Variants in CDC45 observed in about 807,000 individuals in gnomAD.
The protein encoded by CDC45 is cell division control protein 45 homolog.
A neutral mutation model predicts 77.8 loss-of-function variants in CDC45; 54 were observed. The observed-to-expected ratio is 0.69, with a 90% CI of 0.56 to 0.87. The LOEUF (loss-of-function observed/expected upper bound fraction) is 0.87, where lower values mean the gene tolerates loss of function less well. Ranked by LOEUF, CDC45 falls within the 40% of genes least tolerant of loss-of-function variation. CDC45 has a pLI of 0.00. For missense variants in CDC45, 649 were observed against 721.6 expected, an observed-to-expected ratio of 0.90 and a Z score of 1.15; for synonymous variants, 260 against 272.1, an observed-to-expected ratio of 0.96 and a Z score of 0.44.
In CDC45 at chr22:19,479,923, C is replaced by T. The variant is rs1009560085; in HGVS notation, c.-46C>T. The T allele has an allele frequency of 1.6e-5, 25 of 1,608,222 alleles. No individual in the cohort carries two copies. Among genetic ancestry groups the T allele is most frequent in the Non-Finnish European group, 2.1e-5 (25 of 1,176,968 alleles). ...GGCGGGAGTCTTGACCGCCGCCGGG[C>T]TCTTGGTACCTCAGCGCGAGCGCCA... On this transcript the variant is annotated 5_prime_UTR_variant, in exon 1 of 19. Coordinates refer to ENST00000263201, the MANE Select transcript of CDC45 (RefSeq NM_003504.5).
chr22:19,519,748 C>T (rs954426895), intron 18 of CDC45, among the ~76,000 whole-genome samples: 1 of 152,258 alleles, frequency 6.6e-6, no homozygotes, highest in African/African-American at 2.4e-5. Context: ...ACCTGTTCTC[C>T]TGTTGGGGCT....
At chr22:19,507,244 C>A in intron 10 of CDC45, 142 bp from the exon 11 acceptor site, 1 of 963,338 alleles carries the variant, frequency 1.0e-6, no homozygotes, top group Non-Finnish European at 1.6e-6. Context: ...TCAAAGGGCT[C>A]CAGGTCACTC....
rs750888877 is a variant in CDC45 at position 19,482,755 on chromosome 22, T to C, written c.270T>C (p.Asp90=). ...ACCTATTGGATATTCTTCAACCTGA[T>C]GAAGACACTATATTCTTTGTGTGTG... ...NVDLLDILQP[D]EDTIFFVCDT... is the part of the protein sequence containing the mutation. Residue 90 remains aspartate (D), a synonymous_variant, in exon 4 of 19, where the codon GAT becomes GAC. Transcript: ENST00000263201. 6.2e-7 allele frequency: 1 copy of C among 1,612,830 alleles called. No homozygotes were observed. The highest frequency in any genetic ancestry group is 8.5e-7 in the Non-Finnish European group (1 of 1,178,746).
chr22:19,479,942 A>G lies in CDC45; in HGVS notation c.-27A>G, dbSNP rs1382624165. 3 of 1,612,186 alleles carry G rather than the reference A, an allele frequency of 1.9e-6. No homozygotes were observed. Among genetic ancestry groups the G allele is most frequent in the East Asian group, 2.2e-5 (1 of 44,880 alleles). Reference sequence around the variant, plus strand: ...GCCGGGCTCTTGGTACCTCAGCGCGAGCGCCAGGCGTCCGGCCGCCGTGGC... The same window carrying G: ...GCCGGGCTCTTGGTACCTCAGCGCGGGCGCCAGGCGTCCGGCCGCCGTGGC... On this transcript the variant is annotated 5_prime_UTR_variant, in exon 1 of 19. Transcript: ENST00000263201.
intron 5 of CDC45, among the ~76,000 whole-genome samples, chr22:19,485,239 A>G (rs1263966946): frequency 6.6e-6 from 1 of 152,208 alleles, no homozygotes; most frequent in Non-Finnish European, 1.5e-5. Context: ...TAAGTCTTGG[A>G]ATTTTCCACT....
chr22:19,483,424 T>TC (rs1290903669), intron 4 of CDC45, among the ~76,000 whole-genome samples: 1 of 152,022 alleles, frequency 6.6e-6, no homozygotes, highest in Non-Finnish European at 1.5e-5. Flanking sequence ...AGAGCGAGAC[T>TC]CCGTCTCCAA....
At chr22:19,518,988 T>G in intron 18 of CDC45, 79 bp downstream of exon 18, 1 of 1,068,274 alleles carries the variant, frequency 9.4e-7, no homozygotes, top group Non-Finnish European at 1.4e-6. Context: ...CTGTCCTCCC[T>G]CAACGGAGGC....
intron 6 of CDC45, among the ~76,000 whole-genome samples, 179 bp from the exon 7 acceptor site, chr22:19,495,802 A>T (rs2090231769): frequency 6.6e-6 from 1 of 152,230 alleles, no homozygotes; most frequent in Admixed American, 6.5e-5. Context: ...AGCCTGGGAG[A>T]CATAGCAAGA....
At chr22:19,511,170 C>T (rs867597488) in intron 13 of CDC45, among the ~76,000 whole-genome samples, 5 of 152,186 alleles carry the variant, frequency 3.3e-5, no homozygotes, top group African/African-American at 9.6e-5. Context: ...TGTTATTGTC[C>T]ATCTTTTGGA....
At chr22:19,507,711 C>A in intron 11 of CDC45, 55 bp from the exon 12 acceptor site, 1 of 1,447,380 alleles carries the variant, frequency 6.9e-7, no homozygotes. Flanking sequence ...GGTTTCTTTC[C>A]ACCCTGTCGG....
chr22:19,485,291 C>G (rs2090048895), intron 5 of CDC45, among the ~76,000 whole-genome samples: 1 of 152,186 alleles, frequency 6.6e-6, no homozygotes, highest in Non-Finnish European at 1.5e-5. Flanking sequence ...TACTATGTGC[C>G]AGGTACCAGT....
intron 7 of CDC45, 53 bp downstream of exon 7, chr22:19,496,082 G>A: frequency 1.7e-6 from 2 of 1,173,652 alleles, no homozygotes; most frequent in Non-Finnish European, 2.5e-6. Context: ...AGGGGTCAGT[G>A]TCCTCAAATG....
At chr22:19,499,843 G>A (rs1418153639) in intron 9 of CDC45, among the ~76,000 whole-genome samples, 2 of 152,182 alleles carry the variant, frequency 1.3e-5, no homozygotes, top group African/African-American at 4.8e-5. Flanking sequence ...CTCTCCTAGG[G>A]GACCCATGTA....
intron 9 of CDC45, among the ~76,000 whole-genome samples, chr22:19,499,664 C>CT (rs2090305302): frequency 6.6e-6 from 1 of 152,228 alleles, no homozygotes; most frequent in South Asian, 2.1e-4. Flanking sequence ...ATCTGATAGA[C>CT]TGACGGTGAG....
chr22:19,502,735 T>C (rs1932944871), intron 9 of CDC45, among the ~76,000 whole-genome samples: 1 of 152,278 alleles, frequency 6.6e-6, no homozygotes, highest in African/African-American at 2.4e-5. Context: ...AAACTTACCC[T>C]TTCTTTTTTT....
upstream of CDC45, chr22:19,479,841 G>A: frequency 1.1e-6 from 1 of 923,094 alleles, no homozygotes; most frequent in Non-Finnish European, 1.8e-6. Context: ...AAGGAAGGCT[G>A]GGAACTAAGA....
At chr22:19,484,146 C>A in intron 5 of CDC45, 141 bp downstream of exon 5, 2 of 733,920 alleles carry the variant, frequency 2.7e-6, no homozygotes, top group Non-Finnish European at 4.3e-6. Flanking sequence ...TGACCCTGGG[C>A]TCTGCTGTCC....
intron 3 of CDC45, among the ~76,000 whole-genome samples, chr22:19,481,569 C>T (rs150356369): frequency 1.1e-3 from 163 of 151,754 alleles, no homozygotes; most frequent in African/African-American, 1.4e-3. Flanking sequence ...TTAGTAGAGA[C>T]GGAGTTTCAC....
chr22:19,497,965 C>T (rs1053567436), intron 8 of CDC45, among the ~76,000 whole-genome samples: 7 of 151,576 alleles, frequency 4.6e-5, no homozygotes, highest in Admixed American at 2.0e-4. Context: ...GTCAGGAATT[C>T]GAGACCAGCC....
Sources: gnomAD v4.1 joint callset for allele counts (sites outside exome capture counted in the v4.1 genomes callset) on GRCh38, gnomAD v4.1.1 for gene constraint, MANE v1.5 for transcripts, NCBI Gene and HGNC (gene_info 2026-07-23, HGNC 2026-07-21) for gene names.